EHMT1: variants seen among roughly 807,000 people sequenced by gnomAD.
The protein encoded by EHMT1 is euchromatic histone lysine methyltransferase 1, also known as histone-lysine N-methyltransferase EHMT1.
In EHMT1, 15 loss-of-function variants were observed where a neutral mutation model predicts 147.2. That is an observed-to-expected ratio of 0.10 (90% CI 0.07 to 0.16). EHMT1 has a LOEUF of 0.16. EHMT1 is among the 10% of genes least tolerant of loss of function. The probability of loss-of-function intolerance (pLI) is 1.00; values close to 1 mark genes in which losing one functional copy is unlikely to be tolerated. For missense variants in EHMT1, 1,587 were observed against 1,772.4 expected (o/e 0.90, Z 1.88); for synonymous variants, 795 against 709.6 (o/e 1.12, Z -1.91).
intron 25 of EHMT1, among the ~76,000 whole-genome samples, chr9:137,827,604 GC>G (rs1232221629): frequency 6.6e-6 from 1 of 152,288 alleles, no homozygotes; most frequent in East Asian, 1.9e-4. Flanking sequence ...TCAGCCTGGG[GC>G]TACAGGGACC....
chr9:137,686,730 CT>C (rs34204547), intron 1 of EHMT1, among the ~76,000 whole-genome samples: 131 of 111,000 alleles, frequency 1.2e-3, no homozygotes, highest in East Asian at 8.1e-3. Flanking sequence ...CTCATTCTTT[CT>C]TTTTTTTTTT....
chr9:137,642,817 C>A (rs1291760733), intron 1 of EHMT1, among the ~76,000 whole-genome samples: 1 of 152,164 alleles, frequency 6.6e-6, no homozygotes, highest in African/African-American at 2.4e-5. Flanking sequence ...TACATTTATA[C>A]TGTCTTATGT....
Position 137,638,562 on chromosome 9 carries a change from C to G in EHMT1, c.21+19513C>G, listed in dbSNP as rs966862981. On this transcript the variant is annotated intron_variant, in intron 1 of 26. Transcript: ENST00000460843. Reference sequence around the variant, plus strand: ...ACCCGGCCTAGTTTTTTACTAGTTTCTTAATGCTTTTAGCTATGTTATAGA... The same window carrying G: ...ACCCGGCCTAGTTTTTTACTAGTTTGTTAATGCTTTTAGCTATGTTATAGA... Among the ~76,000 whole-genome samples the G allele has an allele frequency of 7.9e-5, 12 of 152,286 alleles. No individual in the cohort carries two copies. In the East Asian group the frequency reaches 2.3e-3, roughly 29 times the overall value.
intron 3 of EHMT1, among the ~76,000 whole-genome samples, chr9:137,725,198 GTGTGGCCTTCGTGGGGCAGGTA>G (rs1401195127): frequency 2.7e-5 from 4 of 148,658 alleles, no homozygotes; most frequent in Non-Finnish European, 4.5e-5. Context: ...TGGGGCAGGT[GTGTGGCCTTCGTGGGGCAGGTA>G]TGTGGCATTC....
In EHMT1 at chr9:137,742,185, C is replaced by T. The variant is rs371102041; in HGVS notation, c.824-1186C>T. On this transcript the variant is annotated intron_variant, in intron 4 of 26. Coordinates refer to ENST00000460843, the MANE Select transcript of EHMT1 (RefSeq NM_024757.5). The stretch of plus-strand genomic sequence containing the variant: ...ACTCCAGAGCGGATTGCCCAGGCCC[C>T]GCGGCGTCTGTGGGTGGTGCTGTCA... Among the ~76,000 whole-genome samples the T allele has an allele frequency of 1.2e-4, 18 of 152,288 alleles. 1 individual carries two copies. Among genetic ancestry groups the T allele is most frequent in the Admixed American group, 6.5e-4 (10 of 15,298 alleles).
chr9:137,831,256 A>G (rs1588929564), intron 25 of EHMT1, among the ~76,000 whole-genome samples: 1 of 152,304 alleles, frequency 6.6e-6, no homozygotes, highest in East Asian at 1.9e-4. Context: ...AAAATACTCA[A>G]GTAGATTTCT....
At chr9:137,679,170 C>G (rs962858344) in intron 1 of EHMT1, among the ~76,000 whole-genome samples, 1 of 152,100 alleles carries the variant, frequency 6.6e-6, no homozygotes, top group Admixed American at 6.6e-5. Context: ...AGGCTGGTCT[C>G]GAACTCCTGA....
intron 18 of EHMT1, among the ~76,000 whole-genome samples, chr9:137,810,594 C>T (rs974466279): frequency 4.6e-5 from 7 of 152,068 alleles, no homozygotes; most frequent in Non-Finnish European, 8.8e-5. Context: ...TTACAGTGTT[C>T]TAATTTACTG....
At chr9:137,696,631 C>T (rs759231855) in intron 1 of EHMT1, among the ~76,000 whole-genome samples, 11 of 152,166 alleles carry the variant, frequency 7.2e-5, no homozygotes, top group South Asian at 6.2e-4. Flanking sequence ...TAGTCTCCCC[C>T]AGGTTGTGAA....
At chr9:137,752,794 C>T (rs150106997) in intron 7 of EHMT1, among the ~76,000 whole-genome samples, 10 of 141,482 alleles carry the variant, frequency 7.1e-5, no homozygotes, top group African/African-American at 1.1e-4. Context: ...CCAGGTAGAA[C>T]GGCAGAGGGA....
chr9:137,834,318 C>G, intron 25 of EHMT1, 31 bp from the exon 26 acceptor site: 1 of 1,609,904 alleles, frequency 6.2e-7, no homozygotes. Flanking sequence ...GCCTTGCTAA[C>G]TGCAGCCCGT....
intron 1 of EHMT1, among the ~76,000 whole-genome samples, chr9:137,681,442 T>G (rs1328744151): frequency 6.6e-6 from 1 of 152,218 alleles, no homozygotes; most frequent in Non-Finnish European, 1.5e-5. Flanking sequence ...GAACTTGGCT[T>G]AATATATTAT....
chr9:137,622,951 C>T (rs1456036163), intron 1 of EHMT1, among the ~76,000 whole-genome samples: 1 of 151,154 alleles, frequency 6.6e-6, no homozygotes, highest in African/African-American at 2.4e-5. Flanking sequence ...TGTCTCACAC[C>T]TGTAATCCCA....
At chr9:137,709,380 G>A (rs987179854) in intron 1 of EHMT1, among the ~76,000 whole-genome samples, 1 of 152,186 alleles carries the variant, frequency 6.6e-6, no homozygotes, top group Non-Finnish European at 1.5e-5. Flanking sequence ...ATCAGGGGGT[G>A]GGAGGTGGAA....
chr9:137,693,191 G>A (rs190232291), intron 1 of EHMT1, among the ~76,000 whole-genome samples: 90 of 152,238 alleles, frequency 5.9e-4, no homozygotes, highest in Admixed American at 1.2e-3. Context: ...CAGTGAGGCC[G>A]GGCTAAGGGG....
chr9:137,619,228 C>A (rs1034032195), intron 1 of EHMT1, among the ~76,000 whole-genome samples, 179 bp downstream of exon 1: 2 of 142,526 alleles, frequency 1.4e-5, no homozygotes, highest in Non-Finnish European at 3.1e-5. Context: ...GCCGAGGCCG[C>A]CGGGCGTCCG....
chr9:137,705,953 T>C (rs897284685), intron 1 of EHMT1, among the ~76,000 whole-genome samples: 1 of 152,152 alleles, frequency 6.6e-6, no homozygotes, highest in African/African-American at 2.4e-5. Flanking sequence ...TCTCCTGGAC[T>C]TCCAAATTGC....
intron 12 of EHMT1, chr9:137,777,091 A>C: frequency 4.2e-6 from 2 of 480,484 alleles, no homozygotes; most frequent in Non-Finnish European, 3.8e-6. Context: ...CAGCACCCCC[A>C]TTGATGTAGC....
intron 16 of EHMT1, chr9:137,792,105 C>A (rs747293504): frequency 6.0e-5 from 28 of 469,788 alleles, no homozygotes; most frequent in Non-Finnish European, 1.2e-4. Context: ...CCCAGAGAAG[C>A]CAAACAATTT....
Sources: gnomAD v4.1 joint callset for allele counts (sites outside exome capture counted in the v4.1 genomes callset) on GRCh38, gnomAD v4.1.1 for gene constraint, MANE v1.5 for transcripts, NCBI Gene and HGNC (gene_info 2026-07-23, HGNC 2026-07-21) for gene names.